ALCAM: variants seen among roughly 807,000 people sequenced by gnomAD.
ALCAM encodes the protein activated leukocyte cell adhesion molecule, also known as CD166 antigen.
A neutral mutation model predicts 70.9 loss-of-function variants in ALCAM; 30 were observed. That is an observed-to-expected ratio of 0.42 (90% CI 0.32 to 0.57). The LOEUF is 0.57. Ranked by LOEUF, ALCAM falls within the 20% of genes least tolerant of loss-of-function variation. The pLI is 0.11. For missense variants in ALCAM, 591 were observed against 695.1 expected (o/e 0.85, Z 1.68); for synonymous variants, 249 against 242.5 (o/e 1.03, Z -0.25).
chr3:105,476,896 CAG>C (rs2152605832), intron 1 of ALCAM, among the ~76,000 whole-genome samples: 1 of 152,088 alleles, frequency 6.6e-6, no homozygotes, highest in Non-Finnish European at 1.5e-5. Flanking sequence ...GGGAGGGAGT[CAG>C]GGGGAGGTAA....
chr3:105,568,716 C>A (rs1179203476), intron 14 of ALCAM, among the ~76,000 whole-genome samples: 2 of 152,170 alleles, frequency 1.3e-5, no homozygotes, highest in African/African-American at 4.8e-5. Flanking sequence ...TAGACCATGC[C>A]TCCCAAGCTG....
At chr3:105,399,086 C>T (rs1217289419) in intron 1 of ALCAM, among the ~76,000 whole-genome samples, 1 of 152,090 alleles carries the variant, frequency 6.6e-6, no homozygotes, top group Non-Finnish European at 1.5e-5. Flanking sequence ...CTTTAAAACA[C>T]AGACTGCAAC....
At chr3:105,492,308 C>T (rs1938610729) in intron 1 of ALCAM, among the ~76,000 whole-genome samples, 1 of 152,154 alleles carries the variant, frequency 6.6e-6, no homozygotes, top group Admixed American at 6.5e-5. Flanking sequence ...AACTACAATT[C>T]AAGATGAGAA....
chr3:105,553,198 T>C, intron 14 of ALCAM: 1 of 756,964 alleles, frequency 1.3e-6, no homozygotes. Context: ...ATATTACAGA[T>C]AGTATGAACC....
chr3:105,547,982 G>C (rs774976107), intron 11 of ALCAM, among the ~76,000 whole-genome samples: 27 of 151,550 alleles, frequency 1.8e-4, no homozygotes, highest in Non-Finnish European at 3.3e-4. Context: ...TGTAGGAATG[G>C]TGGAGAAGAA....
chr3:105,480,253 G>A (rs1938233606), intron 1 of ALCAM, among the ~76,000 whole-genome samples: 1 of 152,042 alleles, frequency 6.6e-6, no homozygotes, highest in Non-Finnish European at 1.5e-5. Context: ...GGGAGGCTAA[G>A]GCAGGAGAAT....
chr3:105,519,003 G>A (rs1337516831), intron 1 of ALCAM, among the ~76,000 whole-genome samples: 3 of 152,116 alleles, frequency 2.0e-5, no homozygotes, highest in South Asian at 4.1e-4. Flanking sequence ...GCAGATTGCC[G>A]TCGCTTTGCA....
intron 1 of ALCAM, among the ~76,000 whole-genome samples, chr3:105,465,286 T>C (rs1465210152): frequency 6.6e-6 from 1 of 151,426 alleles, no homozygotes; most frequent in Non-Finnish European, 1.5e-5. Flanking sequence ...AAATTCGTAG[T>C]GGTGTCAGTC....
At chr3:105,478,269 A>C (rs1938174528) in intron 1 of ALCAM, among the ~76,000 whole-genome samples, 1 of 152,038 alleles carries the variant, frequency 6.6e-6, no homozygotes, top group Non-Finnish European at 1.5e-5. Flanking sequence ...AGCAGCTTAA[A>C]TTTTTGTTAT....
At chr3:105,449,359 T>C (rs11714275) in intron 1 of ALCAM, among the ~76,000 whole-genome samples, 21,322 of 152,152 alleles carry the variant, frequency 0.14, 1,583 homozygotes, top group Middle Eastern at 0.18. Flanking sequence ...CTTGAAGAAA[T>C]ACAGGCACGT....
intron 1 of ALCAM, 42 bp downstream of exon 1, chr3:105,367,523 T>C (rs201198792): frequency 6.2e-7 from 1 of 1,609,348 alleles, no homozygotes; most frequent in South Asian, 1.1e-5. Context: ...GACGTGGGCC[T>C]GGAGCAGTTT....
chr3:105,376,306 A>T (rs116780827), intron 1 of ALCAM, among the ~76,000 whole-genome samples: 2,357 of 152,332 alleles, frequency 0.015, 27 homozygotes, highest in Middle Eastern at 0.048. Flanking sequence ...CCTAAAATCC[A>T]GTAGCAAATT....
At chr3:105,418,047 T>G (rs1278494430) in intron 1 of ALCAM, among the ~76,000 whole-genome samples, 1 of 151,882 alleles carries the variant, frequency 6.6e-6, no homozygotes, top group African/African-American at 2.4e-5. Context: ...GATGTGATTA[T>G]GTAGTACATT....
intron 15 of ALCAM, among the ~76,000 whole-genome samples, chr3:105,573,523 T>G (rs1248756996): frequency 6.6e-6 from 1 of 152,212 alleles, no homozygotes; most frequent in Non-Finnish European, 1.5e-5. Flanking sequence ...TGTATCTATA[T>G]GCACATATGT....
At chr3:105,573,843 T>C (rs942757336) in intron 15 of ALCAM, among the ~76,000 whole-genome samples, 13 of 152,148 alleles carry the variant, frequency 8.5e-5, no homozygotes, top group African/African-American at 3.1e-4. Flanking sequence ...ATAGTAAGGA[T>C]GGAGCGTGAG....
chr3:105,419,253 A>G (rs1029931553), intron 1 of ALCAM, among the ~76,000 whole-genome samples: 5 of 151,792 alleles, frequency 3.3e-5, no homozygotes, highest in African/African-American at 1.2e-4. Flanking sequence ...TTAAAGAATA[A>G]TTCTGGAATG....
chr3:105,416,957 G>A (rs1002175566), intron 1 of ALCAM, among the ~76,000 whole-genome samples: 2 of 151,866 alleles, frequency 1.3e-5, no homozygotes, highest in Admixed American at 1.3e-4. Flanking sequence ...TGTCTCAGTA[G>A]CCTCTCATAA....
At chr3:105,383,912 T>A (rs1935587458) in intron 1 of ALCAM, among the ~76,000 whole-genome samples, 1 of 151,742 alleles carries the variant, frequency 6.6e-6, no homozygotes, top group South Asian at 2.1e-4. Context: ...CTATTTTTAA[T>A]TAATAGATTA....
At chr3:105,412,656 A>G (rs1936418788) in intron 1 of ALCAM, among the ~76,000 whole-genome samples, 1 of 152,122 alleles carries the variant, frequency 6.6e-6, no homozygotes, top group African/African-American at 2.4e-5. Context: ...TGCTCTTCAG[A>G]AGAAAAACAA....
Sources: allele counts gnomAD v4.1 joint callset (sites outside exome capture counted in the v4.1 genomes callset), GRCh38; gene constraint gnomAD v4.1.1; transcripts MANE v1.5; gene names NCBI Gene and HGNC (gene_info 2026-07-23, HGNC 2026-07-21).